The following OSTN variants were observed in gnomAD, a reference collection of about 807,000 sequenced individuals.
The protein encoded by OSTN is osteocrin.
OSTN carries 9 observed loss-of-function variants against 12.0 expected under a neutral mutation model. The observed-to-expected ratio is 0.75, with a 90% CI of 0.45 to 1.30. The LOEUF is 1.30. Ranked by LOEUF, OSTN falls within the 50% of genes most tolerant of loss-of-function variation. The probability of loss-of-function intolerance (pLI) is 0.00; values close to 1 mark genes in which losing one functional copy is unlikely to be tolerated. For synonymous variants in OSTN, 59 were observed against 56.9 expected (o/e 1.04, Z -0.16); for missense variants, 148 against 152.3 (o/e 0.97, Z 0.15).
chr3:191,253,497 A>AG (rs1430257218), intron 4 of OSTN, among the ~76,000 whole-genome samples: 4 of 152,218 alleles, frequency 2.6e-5, no homozygotes, highest in Non-Finnish European at 5.9e-5. Flanking sequence ...TCAACTTTCC[A>AG]GGGGGTATAG....
chr3:191,262,610 A>T (rs1715836985), intron 4 of OSTN, among the ~76,000 whole-genome samples: 1 of 152,238 alleles, frequency 6.6e-6, no homozygotes, highest in Non-Finnish European at 1.5e-5. Flanking sequence ...TGTGAAAAAG[A>T]CTTTTTATAA....
chr3:191,202,527 G>T (rs1298512147), intron 1 of OSTN, among the ~76,000 whole-genome samples: 2 of 152,108 alleles, frequency 1.3e-5, no homozygotes, highest in East Asian at 1.9e-4. Flanking sequence ...TTTGTTTAAT[G>T]TTAGAGATAC....
At chr3:191,200,652 G>C (rs1475219902) in intron 1 of OSTN, among the ~76,000 whole-genome samples, 1 of 151,170 alleles carries the variant, frequency 6.6e-6, no homozygotes, top group Admixed American at 6.6e-5. Flanking sequence ...TTGTGAAAAG[G>C]ACAAAAAAAA....
At chr3:191,223,716 T>G (rs900139579) in intron 3 of OSTN, among the ~76,000 whole-genome samples, 62 of 151,516 alleles carry the variant, frequency 4.1e-4, no homozygotes, top group African/African-American at 1.5e-3. Flanking sequence ...AATACAAAAA[T>G]AATCATAAGA....
At chr3:191,256,682 T>G (rs761104628) in intron 4 of OSTN, among the ~76,000 whole-genome samples, 3 of 151,758 alleles carry the variant, frequency 2.0e-5, no homozygotes, top group Admixed American at 2.0e-4. Context: ...TACTACCTCT[T>G]ATTAATACTA....
At position 191,263,020 on chromosome 3, in the gene OSTN, G is replaced by A. The variant is rs536325402; in HGVS notation, c.*167G>A. On this transcript the variant is annotated 3_prime_UTR_variant, in exon 5 of 5. Transcript: ENST00000682035. ...TCCATCACATTACAGCATTGTTACAGCTTCAATTAAATTGTGTAAATCATT... is the reference window on the plus strand; with the variant it reads ...TCCATCACATTACAGCATTGTTACAACTTCAATTAAATTGTGTAAATCATT... The A allele has an allele frequency of 1.0e-5, 6 of 574,058 alleles. No homozygotes were observed. In the Admixed American group the frequency reaches 1.7e-4, roughly 16 times the overall value. The allele number at this position is 574,058 out of a possible 1,614,324, so 35.6% of individuals were successfully genotyped here.
intron 3 of OSTN, among the ~76,000 whole-genome samples, chr3:191,237,841 G>A (rs565379390): frequency 6.6e-6 from 1 of 152,236 alleles, no homozygotes; most frequent in African/African-American, 2.4e-5. Context: ...GACTTTCCTG[G>A]TGGGATGTGG....
rs913641124 is a variant in OSTN at position 191,258,874 on chromosome 3, C to T, written c.*13-3992C>T. On this transcript the variant is annotated intron_variant, in intron 4 of 4. Transcript: ENST00000682035. ...CAACTATAGTTGGCCATGTCTAACA[C>T]TGTTACTCTTGCCTAGCCATTACAT... 2.0e-5 allele frequency among the ~76,000 whole-genome samples: 3 copies of T among 152,178 alleles called. No homozygotes were observed. In the South Asian group the frequency reaches 6.2e-4, roughly 32 times the overall value.
In OSTN at chr3:191,241,613, A is replaced by G. The variant is rs555838895; in HGVS notation, c.318-8424A>G. Reference sequence around the variant, plus strand: ...TCCAAGTTTCTTTTCTTGGAACTCGAAACTATAAACAGGATCATTAAAAGT... The same window carrying G: ...TCCAAGTTTCTTTTCTTGGAACTCGGAACTATAAACAGGATCATTAAAAGT... On this transcript the variant is annotated intron_variant, in intron 3 of 4. Coordinates refer to ENST00000682035, the MANE Select transcript of OSTN (RefSeq NM_198184.2). Among the ~76,000 whole-genome samples, 634 of 152,324 alleles carry G rather than the reference A, an allele frequency of 4.2e-3. 4 individuals carry two copies. Among genetic ancestry groups the G allele is most frequent in the African/African-American group, 0.015 (612 of 41,580 alleles).
intron 2 of OSTN, among the ~76,000 whole-genome samples, chr3:191,216,132 CAT>C (rs1356942673): frequency 1.3e-5 from 2 of 152,184 alleles, no homozygotes; most frequent in Non-Finnish European, 2.9e-5. Context: ...GGCCCCCAAA[CAT>C]GTGTAAACCA....
chr3:191,254,015 A>C (rs1715618550), intron 4 of OSTN, among the ~76,000 whole-genome samples: 1 of 152,230 alleles, frequency 6.6e-6, no homozygotes, highest in South Asian at 2.1e-4. Context: ...ACAAATTGGG[A>C]TAAACAGAAA....
chr3:191,217,694 A>T (rs77435223), intron 2 of OSTN, among the ~76,000 whole-genome samples: 2,296 of 152,346 alleles, frequency 0.015, 28 homozygotes, highest in Non-Finnish European at 0.021. Flanking sequence ...GTAAGAACCA[A>T]ACAAGAAATT....
At chr3:191,210,478 C>A (rs1714392009) in intron 1 of OSTN, among the ~76,000 whole-genome samples, 1 of 152,166 alleles carries the variant, frequency 6.6e-6, no homozygotes, top group Non-Finnish European at 1.5e-5. Context: ...CTTTCACTTA[C>A]AGATTATAAA....
At chr3:191,211,799 T>G (rs937572691) in intron 1 of OSTN, among the ~76,000 whole-genome samples, 6 of 152,180 alleles carry the variant, frequency 3.9e-5, no homozygotes, top group African/African-American at 1.4e-4. Flanking sequence ...TGTTCATAAC[T>G]TTGGCCCATT....
intron 1 of OSTN, among the ~76,000 whole-genome samples, chr3:191,210,353 T>C (rs927112715): frequency 2.2e-4 from 33 of 152,080 alleles, no homozygotes; most frequent in African/African-American, 6.5e-4. Context: ...TGCAAACACA[T>C]TGAGGGCAAG....
intron 1 of OSTN, among the ~76,000 whole-genome samples, chr3:191,207,005 C>T (rs1187691883): frequency 6.6e-6 from 1 of 152,056 alleles, no homozygotes; most frequent in African/African-American, 2.4e-5. Context: ...AGATTTTAGG[C>T]GGTGTTGTCG....
intron 4 of OSTN, among the ~76,000 whole-genome samples, 172 bp from the exon 5 acceptor site, chr3:191,262,694 A>C (rs533351781): frequency 7.7e-4 from 117 of 152,356 alleles, no homozygotes; most frequent in South Asian, 3.3e-3. Flanking sequence ...TTTGAACTGA[A>C]ATTGTTATTT....
At chr3:191,259,530 G>A (rs1401420607) in intron 4 of OSTN, among the ~76,000 whole-genome samples, 2 of 151,450 alleles carry the variant, frequency 1.3e-5, no homozygotes, top group Admixed American at 6.6e-5. Context: ...ACACTCCCTG[G>A]TAAAATTAAT....
At chr3:191,259,805 A>G (rs945365429) in intron 4 of OSTN, among the ~76,000 whole-genome samples, 2 of 151,214 alleles carry the variant, frequency 1.3e-5, no homozygotes, top group African/African-American at 4.8e-5. Context: ...CCTTTAATTT[A>G]GTCAAGAGAA....
Sources: allele counts gnomAD v4.1 joint callset (sites outside exome capture counted in the v4.1 genomes callset), GRCh38; gene constraint gnomAD v4.1.1; transcripts MANE v1.5; gene names NCBI Gene and HGNC (gene_info 2026-07-23, HGNC 2026-07-21).